Variants in TMTC4 observed in about 807,000 individuals in gnomAD.
TMTC4 encodes transmembrane O-mannosyltransferase targeting cadherins 4, also known as protein O-mannosyl-transferase TMTC4.
Under a neutral mutation model 86.0 loss-of-function variants are expected in TMTC4, and 65 were observed. That is an observed-to-expected ratio of 0.76 (90% CI 0.62 to 0.93). The LOEUF is 0.93. Among genes scored for constraint, TMTC4 ranks in the 40% least tolerant of loss-of-function variants. The pLI is 0.00. For missense variants in TMTC4, 866 were observed against 948.1 expected, an observed-to-expected ratio of 0.91 and a Z score of 1.14; for synonymous variants, 379 against 382.5, an observed-to-expected ratio of 0.99 and a Z score of 0.11.
At chr13:100,641,250 C>T (rs900801214) in intron 7 of TMTC4, among the ~76,000 whole-genome samples, 4 of 152,248 alleles carry the variant, frequency 2.6e-5, no homozygotes, top group Non-Finnish European at 2.9e-5. Flanking sequence ...AGCACCATTA[C>T]AGATTCTCCT....
rs748729094 is a variant in TMTC4 at position 100,656,376 on chromosome 13, C to T, written c.640+5G>A. ...GAAAATTAAGAAGGCAAACAGAATG[C>T]TTACTTTCTCTAAATGCTTTACAGT... On this transcript the variant is annotated splice_donor_5th_base_variant and intron_variant, in intron 6 of 18. Coordinates refer to ENST00000342624, the MANE Select transcript of TMTC4 (RefSeq NM_032813.5). 7 of 1,609,264 alleles carry T rather than the reference C, an allele frequency of 4.3e-6. No individual in the cohort carries two copies. The highest frequency in any genetic ancestry group is 1.3e-5 in the African/African-American group (1 of 74,576).
intron 1 of TMTC4, chr13:100,673,894 A>G (rs1326475150): frequency 2.4e-6 from 1 of 420,508 alleles, no homozygotes. Context: ...TCCCTACTAT[A>G]ACTGTTTCTC....
chr13:100,643,644 T>C (rs147733506), intron 6 of TMTC4, among the ~76,000 whole-genome samples: 2 of 152,384 alleles, frequency 1.3e-5, no homozygotes, highest in African/African-American at 4.8e-5. Flanking sequence ...TTTCATTACA[T>C]AACCTTCAGT....
intron 12 of TMTC4, 57 bp from the exon 13 acceptor site, chr13:100,626,207 A>G: frequency 6.5e-7 from 1 of 1,533,654 alleles, no homozygotes; most frequent in African/African-American, 1.4e-5. Flanking sequence ...CAGAGCCTGG[A>G]CCCCATCACA....
In TMTC4 at chr13:100,614,377, G is replaced by A. The variant is rs776946395; in HGVS notation, c.1890C>T (p.Thr630=). The change falls in exon 16 of 19, where the codon ACC becomes ACT. Residue 630 remains threonine, a synonymous_variant. Coordinates refer to ENST00000342624, the MANE Select transcript of TMTC4 (RefSeq NM_032813.5). The part of the protein sequence containing the change: ...VDALNAWRNA[T]VLKPEHSLAW... ...CCAGGCTGTGCTCTGGTTTCAGCAC[G>A]GTGGCATTTCTCCACGCATTCAAGG... 16 of 1,613,272 alleles carry A rather than the reference G, an allele frequency of 9.9e-6. No homozygotes were observed. The highest frequency in any genetic ancestry group is 2.2e-5 in the South Asian group (2 of 91,048).
At chr13:100,611,080 T>C (rs1028655718) in intron 17 of TMTC4, among the ~76,000 whole-genome samples, 1 of 152,198 alleles carries the variant, frequency 6.6e-6, no homozygotes, top group Non-Finnish European at 1.5e-5. Context: ...TTATTGAAAA[T>C]TATACTGATA....
At chr13:100,611,551 C>G (rs944666745) in intron 17 of TMTC4, among the ~76,000 whole-genome samples, 4 of 152,178 alleles carry the variant, frequency 2.6e-5, no homozygotes, top group Non-Finnish European at 5.9e-5. Context: ...CGCCACTGCA[C>G]TCCAGCCTGG....
In TMTC4 at chr13:100,607,415, G is replaced by A. The variant is rs111482669; in HGVS notation, c.2065-988C>T. ...GCCTGTAATCCCAGCTACTTGGGAG[G>A]CTGAGGCAGGAGAATTGCTCCAATC... On this transcript the variant is annotated intron_variant, in intron 17 of 18. Coordinates refer to ENST00000342624, the MANE Select transcript of TMTC4 (RefSeq NM_032813.5). 3.8e-3 allele frequency among the ~76,000 whole-genome samples: 579 copies of A among 152,174 alleles called. 2 individuals carry two copies. Among genetic ancestry groups the A allele is most frequent in the African/African-American group, 0.014 (566 of 41,524 alleles).
chr13:100,670,962 A>ACAAAGC (rs1382896983), intron 1 of TMTC4, among the ~76,000 whole-genome samples: 1 of 152,230 alleles, frequency 6.6e-6, no homozygotes, highest in Non-Finnish European at 1.5e-5. Flanking sequence ...TCAAACAACA[A>ACAAAGC]CAAAGCCCAA....
chr13:100,666,091 C>T (rs1265253319), intron 3 of TMTC4: 5 of 456,202 alleles, frequency 1.1e-5, no homozygotes, highest in Admixed American at 9.4e-5. Context: ...TAAGTGGAGC[C>T]TCCACAGCAG....
chr13:100,663,319 A>G, intron 4 of TMTC4, 139 bp from the exon 5 acceptor site: 1 of 748,492 alleles, frequency 1.3e-6, no homozygotes, highest in South Asian at 1.6e-5. Context: ...TAAAAACAGC[A>G]TCAAGATAAA....
At chr13:100,625,421 G>T in intron 15 of TMTC4, 114 bp downstream of exon 15, 1 of 1,395,420 alleles carries the variant, frequency 7.2e-7, no homozygotes, top group Non-Finnish European at 1.0e-6. Flanking sequence ...ATAGAAACAT[G>T]TGAAAGAACT....
chr13:100,663,120 G>C lies in TMTC4; in HGVS notation c.396C>G (p.Leu132=). ...TGAGGACAGAGATGCCACTGTGCAG[G>C]AGGATGTTGACCACGTGAAAGCCCA... ...HPVGFHVVNI[L]LHSGISVLMV... Residue 132 remains leucine (L), a synonymous_variant, in exon 5 of 19, where the codon CTC becomes CTG. Transcript: ENST00000342624. 1 of 1,614,248 alleles carries C rather than the reference G, an allele frequency of 6.2e-7. No individual in the cohort carries two copies. Among genetic ancestry groups the C allele is most frequent in the Non-Finnish European group, 8.5e-7 (1 of 1,180,046 alleles).
chr13:100,648,829 G>A (rs1468609789), intron 6 of TMTC4, among the ~76,000 whole-genome samples: 2 of 152,138 alleles, frequency 1.3e-5, no homozygotes, highest in African/African-American at 4.8e-5. Flanking sequence ...ACAGGCACAT[G>A]CCACCAGGCC....
At chr13:100,626,033 T>G (rs369788015) in intron 13 of TMTC4, 38 bp downstream of exon 13, 89 of 1,611,268 alleles carry the variant, frequency 5.5e-5, no homozygotes, top group Admixed American at 1.0e-4. Flanking sequence ...GAAAACGATC[T>G]GTGTACATAA....
intron 6 of TMTC4, among the ~76,000 whole-genome samples, chr13:100,646,210 G>T (rs1461169738): frequency 1.2e-4 from 19 of 152,166 alleles, no homozygotes; most frequent in Non-Finnish European, 8.8e-5. Flanking sequence ...GAGTAAGCCT[G>T]TTCACGGCTG....
chr13:100,651,843 T>C (rs1345736358), intron 6 of TMTC4, among the ~76,000 whole-genome samples: 1 of 152,224 alleles, frequency 6.6e-6, no homozygotes, highest in Non-Finnish European at 1.5e-5. Context: ...ACGTTAAACC[T>C]GAAATTTAAA....
Position 100,670,481 on chromosome 13 carries a change from G to A in TMTC4, c.-119C>T, listed in dbSNP as rs141370863. ...TCTCGAGCCTCACAGCCTGGCATAC[G>A]GCATGCTCTCAGCAAGTGCTGGGGG... On this transcript the variant is annotated 5_prime_UTR_variant, in exon 2 of 19. Transcript: ENST00000342624. The A allele has an allele frequency of 9.8e-5, 104 of 1,064,524 alleles. No individual in the cohort carries two copies. In the African/African-American group the frequency reaches 1.4e-3, roughly 14 times the overall value. The allele number at this position is 1,064,524 out of a possible 1,614,324, so 65.9% of individuals were successfully genotyped here.
intron 6 of TMTC4, among the ~76,000 whole-genome samples, chr13:100,651,422 T>C (rs1884421152): frequency 6.6e-6 from 1 of 150,690 alleles, no homozygotes; most frequent in African/African-American, 2.4e-5. Flanking sequence ...AGAAAATGTA[T>C]GCTTCCTTTA....
Sources: gnomAD v4.1 joint callset for allele counts (sites outside exome capture counted in the v4.1 genomes callset) on GRCh38, gnomAD v4.1.1 for gene constraint, MANE v1.5 for transcripts, NCBI Gene and HGNC (gene_info 2026-07-23, HGNC 2026-07-21) for gene names.